MECOM: variants seen among roughly 807,000 people sequenced by gnomAD.
The protein encoded by MECOM is MDS1 and EVI1 complex locus.
Under a neutral mutation model 116.3 loss-of-function variants are expected in MECOM, and 13 were observed. The observed-to-expected ratio is 0.11, with a 90% CI of 0.07 to 0.18. The LOEUF (loss-of-function observed/expected upper bound fraction) is 0.18, where lower values mean the gene tolerates loss of function less well. Ranked by LOEUF, MECOM falls within the 10% of genes least tolerant of loss-of-function variation. The probability of loss-of-function intolerance (pLI) is 1.00; values close to 1 mark genes in which losing one functional copy is unlikely to be tolerated. For missense variants in MECOM, 1,299 were observed against 1,509.0 expected (o/e 0.86, Z 2.31); for synonymous variants, 528 against 535.2 (o/e 0.99, Z 0.19).
At chr3:169,618,413 T>C (rs759036842) in intron 1 of MECOM, among the ~76,000 whole-genome samples, 1 of 152,108 alleles carries the variant, frequency 6.6e-6, no homozygotes, top group Non-Finnish European at 1.5e-5. Context: ...TCCCAGCACT[T>C]TGGGAGGCTA....
chr3:169,190,718 G>A lies in MECOM; in HGVS notation c.376-46886C>T, dbSNP rs114621510. 5.9e-3 allele frequency among the ~76,000 whole-genome samples: 894 copies of A among 151,934 alleles called. 8 individuals are homozygous for A. The highest frequency in any genetic ancestry group is 0.021 in the African/African-American group (854 of 41,454). ...TGCTAATTATTAATATCTTAATCAT[G>A]GTGTCTCATCCAACTTACAAACAAA... On this transcript the variant is annotated intron_variant, in intron 2 of 16. Coordinates refer to ENST00000651503, the MANE Select transcript of MECOM (RefSeq NM_004991.4).
chr3:169,093,280 T>C (rs1196929482), intron 13 of MECOM, among the ~76,000 whole-genome samples, 178 bp from the exon 14 acceptor site: 1 of 152,194 alleles, frequency 6.6e-6, no homozygotes, highest in Admixed American at 6.5e-5. Flanking sequence ...CACATGCCCA[T>C]GACGGTCCTT....
intron 1 of MECOM, among the ~76,000 whole-genome samples, chr3:169,527,276 A>G (rs1309588705): frequency 6.6e-6 from 1 of 152,222 alleles, no homozygotes; most frequent in Non-Finnish European, 1.5e-5. Context: ...GAAAAGAAAG[A>G]AATCTAACTC....
chr3:169,595,686 C>T (rs1767050820), intron 1 of MECOM, among the ~76,000 whole-genome samples: 1 of 152,172 alleles, frequency 6.6e-6, no homozygotes, highest in Non-Finnish European at 1.5e-5. Flanking sequence ...TTCAACCTTA[C>T]ACTTAATACA....
At chr3:169,600,573 G>A (rs556024783) in intron 1 of MECOM, among the ~76,000 whole-genome samples, 1 of 152,288 alleles carries the variant, frequency 6.6e-6, no homozygotes, top group East Asian at 1.9e-4. Context: ...GAGGAACTAG[G>A]TCTGCAAAAG....
In MECOM at chr3:169,449,762, G is replaced by A. The variant is rs550665006; in HGVS notation, c.38-68238C>T. ...AAGAAATATAGGATGTGATACCATC[G>A]GAAAAAAAGAAATACAATGAAACCA... On this transcript the variant is annotated intron_variant, in intron 1 of 16. Transcript: ENST00000651503. 9.2e-5 allele frequency among the ~76,000 whole-genome samples: 14 copies of A among 152,072 alleles called. No individual in the cohort carries two copies. The East Asian group carries it at 1.4e-3, about 15-fold the overall frequency.
At chr3:169,094,504 G>C (rs1560123483) in intron 13 of MECOM, among the ~76,000 whole-genome samples, 1 of 152,178 alleles carries the variant, frequency 6.6e-6, no homozygotes, top group Non-Finnish European at 1.5e-5. Context: ...TTTTATGCCA[G>C]TTACTTTTAT....
chr3:169,378,284 C>A (rs1481413329), intron 2 of MECOM, among the ~76,000 whole-genome samples: 1 of 149,232 alleles, frequency 6.7e-6, no homozygotes, highest in Non-Finnish European at 1.5e-5. Context: ...AACAAACCTG[C>A]ATGTTCTGCA....
At chr3:169,436,245 C>CTTTTTT (rs11349670) in intron 1 of MECOM, among the ~76,000 whole-genome samples, 5 of 93,648 alleles carry the variant, frequency 5.3e-5, no homozygotes, top group Non-Finnish European at 8.1e-5. Context: ...GGCTAAATCG[C>CTTTTTT]TTTTTTTTTT....
chr3:169,511,409 A>G (rs906166693), intron 1 of MECOM, among the ~76,000 whole-genome samples: 1 of 152,196 alleles, frequency 6.6e-6, no homozygotes, highest in African/African-American at 2.4e-5. Context: ...GCTAAAACCA[A>G]AATTCTCTCC....
chr3:169,649,735 C>T (rs950456848), intron 1 of MECOM, among the ~76,000 whole-genome samples: 10 of 152,122 alleles, frequency 6.6e-5, no homozygotes, highest in Non-Finnish European at 1.3e-4. Flanking sequence ...AACCAGTAAA[C>T]ATCCACACCA....
intron 13 of MECOM, 108 bp from the exon 14 acceptor site, chr3:169,093,210 C>A: frequency 1.4e-5 from 15 of 1,098,004 alleles, no homozygotes; most frequent in Non-Finnish European, 1.9e-5. Context: ...TAAAACATGC[C>A]CTATGAATAT....
chr3:169,545,902 TTC>T (rs1201346565), intron 1 of MECOM, among the ~76,000 whole-genome samples: 2 of 152,200 alleles, frequency 1.3e-5, no homozygotes, highest in African/African-American at 2.4e-5. Flanking sequence ...CTCTTTTTTT[TTC>T]TTTTTCTAAT....
chr3:169,180,244 G>A (rs1384437418), intron 2 of MECOM, among the ~76,000 whole-genome samples: 1 of 152,074 alleles, frequency 6.6e-6, no homozygotes, highest in African/African-American at 2.4e-5. Context: ...GCTAAGGCTT[G>A]CCAAGGTAGT....
At chr3:169,104,107 T>C (rs748697895) in intron 10 of MECOM, among the ~76,000 whole-genome samples, 22 of 152,188 alleles carry the variant, frequency 1.4e-4, no homozygotes, top group Admixed American at 2.6e-4. Context: ...TGATTCATAA[T>C]CACTCAGCTG....
chr3:169,254,541 CAG>C, intron 2 of MECOM, among the ~76,000 whole-genome samples: 1 of 152,192 alleles, frequency 6.6e-6, no homozygotes, highest in African/African-American at 2.4e-5. Flanking sequence ...ACCATTTTCT[CAG>C]GGGGAAAAAC....
intron 1 of MECOM, among the ~76,000 whole-genome samples, chr3:169,559,372 G>A (rs975021687): frequency 1.3e-5 from 2 of 152,138 alleles, no homozygotes. Context: ...ATGTATGTGT[G>A]TGTGTATGTA....
intron 1 of MECOM, among the ~76,000 whole-genome samples, chr3:169,405,479 T>A (rs1473275232): frequency 6.6e-6 from 1 of 152,206 alleles, no homozygotes; most frequent in Non-Finnish European, 1.5e-5. Flanking sequence ...ACTGAGATGT[T>A]TTTTTGCCAT....
At chr3:169,599,621 G>A (rs556112623) in intron 1 of MECOM, among the ~76,000 whole-genome samples, 1 of 152,054 alleles carries the variant, frequency 6.6e-6, no homozygotes, top group South Asian at 2.1e-4. Context: ...CCCAATATAA[G>A]CTTTGTGAAG....
Sources: gnomAD v4.1 joint callset for allele counts (sites outside exome capture counted in the v4.1 genomes callset) on GRCh38, gnomAD v4.1.1 for gene constraint, MANE v1.5 for transcripts, NCBI Gene and HGNC (gene_info 2026-07-23, HGNC 2026-07-21) for gene names.